The following GALNT17 variants were observed in gnomAD, a reference collection of about 807,000 sequenced individuals.
The protein encoded by GALNT17 is polypeptide N-acetylgalactosaminyltransferase 17, also known as UDP-GalNAc:polypeptide N-acetylgalactosaminyltransferase-like 3.
Under a neutral mutation model 63.7 loss-of-function variants are expected in GALNT17, and 29 were observed. The observed-to-expected ratio is 0.46, with a 90% CI of 0.34 to 0.62. The LOEUF (loss-of-function observed/expected upper bound fraction) is 0.62, where lower values mean the gene tolerates loss of function less well. GALNT17 is among the 20% of genes least tolerant of loss of function. The probability of loss-of-function intolerance (pLI) is 0.01; values close to 1 mark genes in which losing one functional copy is unlikely to be tolerated. For synonymous variants in GALNT17, 305 were observed against 318.3 expected, an observed-to-expected ratio of 0.96 and a Z score of 0.45; for missense variants, 603 against 799.6, an observed-to-expected ratio of 0.75 and a Z score of 2.97.
chr7:71,598,135 G>A (rs933543714), intron 6 of GALNT17, among the ~76,000 whole-genome samples: 1 of 152,010 alleles, frequency 6.6e-6, no homozygotes, highest in Admixed American at 6.6e-5. Context: ...GTAGAGATGG[G>A]GTTTCACCAT....
At chr7:71,168,462 C>T (rs918156549) in intron 1 of GALNT17, among the ~76,000 whole-genome samples, 9 of 152,052 alleles carry the variant, frequency 5.9e-5, no homozygotes, top group Non-Finnish European at 1.3e-4. Context: ...ACCCCAGCTA[C>T]TCAGGAGGCT....
chr7:71,528,545 A>C (rs1250726561), intron 5 of GALNT17, among the ~76,000 whole-genome samples: 1 of 152,134 alleles, frequency 6.6e-6, no homozygotes, highest in Non-Finnish European at 1.5e-5. Flanking sequence ...CAGGCCAAAG[A>C]GTAGTACCTA....
At chr7:71,290,828 A>G (rs1258759550) in intron 1 of GALNT17, among the ~76,000 whole-genome samples, 1 of 152,158 alleles carries the variant, frequency 6.6e-6, no homozygotes, top group Non-Finnish European at 1.5e-5. Context: ...GTTTGTTTAT[A>G]AAAGGCGGTA....
intron 1 of GALNT17, among the ~76,000 whole-genome samples, chr7:71,183,905 A>G (rs1017708474): frequency 7.2e-5 from 11 of 151,998 alleles, no homozygotes; most frequent in African/African-American, 2.7e-4. Context: ...AAAAAAAATC[A>G]ACACACAAAG....
intron 5 of GALNT17, among the ~76,000 whole-genome samples, chr7:71,497,788 G>A (rs1788120047): frequency 6.6e-6 from 1 of 152,264 alleles, no homozygotes; most frequent in African/African-American, 2.4e-5. Flanking sequence ...GGCAAGGCCA[G>A]AAGGCATGGG....
At chr7:71,545,194 C>T (rs899911953) in intron 5 of GALNT17, among the ~76,000 whole-genome samples, 6 of 152,104 alleles carry the variant, frequency 3.9e-5, no homozygotes, top group Non-Finnish European at 7.4e-5. Context: ...TATTTGATTG[C>T]TTGCTGTGTT....
At chr7:71,686,633 G>A (rs1002597745) in intron 9 of GALNT17, among the ~76,000 whole-genome samples, 4 of 151,638 alleles carry the variant, frequency 2.6e-5, no homozygotes, top group African/African-American at 7.3e-5. Flanking sequence ...CAAGTGATCC[G>A]CCCACCGCTG....
At chr7:71,146,857 G>A (rs188650062) in intron 1 of GALNT17, among the ~76,000 whole-genome samples, 80 of 152,244 alleles carry the variant, frequency 5.3e-4, no homozygotes, top group African/African-American at 1.8e-3. Context: ...AGGCGACCAC[G>A]TTCAGACACC....
intron 1 of GALNT17, among the ~76,000 whole-genome samples, chr7:71,147,641 T>TTTTTTC (rs1224776338): frequency 4.7e-5 from 7 of 148,498 alleles, no homozygotes; most frequent in African/African-American, 1.7e-4. Flanking sequence ...TTCTTTTTTC[T>TTTTTTC]TTTTTTTTTA....
At chr7:71,309,808 A>G (rs1454880764) in intron 1 of GALNT17, among the ~76,000 whole-genome samples, 4 of 152,100 alleles carry the variant, frequency 2.6e-5, no homozygotes, top group Admixed American at 6.6e-5. Context: ...TAGAATACTT[A>G]TTTCTAAACT....
chr7:71,550,918 C>T (rs368604136), intron 5 of GALNT17, among the ~76,000 whole-genome samples: 66 of 151,886 alleles, frequency 4.3e-4, no homozygotes, highest in African/African-American at 1.4e-3. Context: ...TTTTAAATTT[C>T]CCATTATGAT....
At chr7:71,561,843 G>A (rs1454273693) in intron 5 of GALNT17, among the ~76,000 whole-genome samples, 2 of 152,100 alleles carry the variant, frequency 1.3e-5, no homozygotes, top group African/African-American at 4.8e-5. Context: ...CACCAAACAG[G>A]GGAATGAGGG....
At chr7:71,379,445 G>T (rs1583904594) in intron 2 of GALNT17, among the ~76,000 whole-genome samples, 1 of 152,192 alleles carries the variant, frequency 6.6e-6, no homozygotes, top group Middle Eastern at 3.4e-3. Flanking sequence ...AGGTCATTCT[G>T]GTCGCAGTAG....
At chr7:71,701,803 G>GTGTGTATATA (rs748188265) in intron 9 of GALNT17, among the ~76,000 whole-genome samples, 1 of 30,722 alleles carries the variant, frequency 3.3e-5, no homozygotes, top group African/African-American at 8.5e-5. Flanking sequence ...GTGTGTGTGT[G>GTGTGTATATA]TATATATATA....
chr7:71,625,101 C>T (rs1790352679), intron 6 of GALNT17, among the ~76,000 whole-genome samples: 1 of 152,118 alleles, frequency 6.6e-6, no homozygotes, highest in Admixed American at 6.6e-5. Context: ...AAGAACCTAA[C>T]CAAGTCCATG....
chr7:71,269,069 G>A (rs1790540971), intron 1 of GALNT17, among the ~76,000 whole-genome samples: 1 of 152,184 alleles, frequency 6.6e-6, no homozygotes, highest in African/African-American at 2.4e-5. Context: ...AGCTTGGAAA[G>A]CCTCACAGCA....
intron 6 of GALNT17, among the ~76,000 whole-genome samples, chr7:71,623,651 G>A (rs1446337585): frequency 6.6e-6 from 1 of 151,902 alleles, no homozygotes; most frequent in African/African-American, 2.4e-5. Context: ...GGCGAGGCTG[G>A]TCTCAAACTC....
intron 6 of GALNT17, among the ~76,000 whole-genome samples, chr7:71,611,999 G>A (rs1247960267): frequency 6.6e-6 from 1 of 152,118 alleles, no homozygotes; most frequent in Non-Finnish European, 1.5e-5. Context: ...GGTGCAAGTT[G>A]GTGCCATCTC....
At chr7:71,463,498 G>C (rs896455504) in intron 5 of GALNT17, among the ~76,000 whole-genome samples, 2 of 152,108 alleles carry the variant, frequency 1.3e-5, no homozygotes, top group African/African-American at 4.8e-5. Context: ...AACAGTCCAA[G>C]GTGAGTCCAT....
Sources: allele counts gnomAD v4.1 joint callset (sites outside exome capture counted in the v4.1 genomes callset), GRCh38; gene constraint gnomAD v4.1.1; transcripts MANE v1.5; gene names NCBI Gene and HGNC (gene_info 2026-07-23, HGNC 2026-07-21).